OGG1: variants seen among roughly 807,000 people sequenced by gnomAD.
The protein encoded by OGG1 is 8-oxoguanine DNA glycosylase.
A neutral mutation model predicts 42.3 loss-of-function variants in OGG1; 35 were observed. The ratio of observed to expected loss-of-function variants is 0.83; its 90% CI spans 0.63 to 1.10. OGG1 has a LOEUF of 1.10. Ranked by LOEUF, OGG1 falls within the 50% of genes least tolerant of loss-of-function variation. The pLI, the probability that OGG1 is intolerant of heterozygous loss-of-function variation, is 0.00. For synonymous variants in OGG1, 189 were observed against 179.0 expected, an observed-to-expected ratio of 1.06 and a Z score of -0.44; for missense variants, 484 against 446.7, an observed-to-expected ratio of 1.08 and a Z score of -0.75.
At chr3:9,780,635 G>C in intron 2 of OGG1, 1 of 1,389,906 alleles carries the variant, frequency 7.2e-7, no homozygotes, top group Non-Finnish European at 9.6e-7. Flanking sequence ...CTACCCACCA[G>C]CCCAGGCTGG....
At chr3:9,780,369 C>G (rs1228161990) in intron 2 of OGG1, 2 of 1,612,490 alleles carry the variant, frequency 1.2e-6, no homozygotes, top group South Asian at 2.2e-5. Flanking sequence ...ACCCATCCAG[C>G]AGCTTCAGGA....
rs371693150 is a variant in OGG1, at chr3:9,765,995, G to A, written c.*164G>A. 5.5e-5 allele frequency: 89 copies of A among 1,614,180 alleles called. 1 individual carries two copies. The highest frequency in any genetic ancestry group is 4.9e-4 in the African/African-American group (37 of 75,048). On this transcript the variant is annotated 3_prime_UTR_variant, in exon 8 of 8. Coordinates refer to the OGG1 transcript ENST00000302008. Reference sequence around the variant, plus strand: ...CTGTGACCACTGCTGGACCAAGGACGTGGATGACCCTCCCCTAGTCACTCA... The same window carrying A: ...CTGTGACCACTGCTGGACCAAGGACATGGATGACCCTCCCCTAGTCACTCA...
At chr3:9,782,722 C>T (rs2078506418) in intron 3 of OGG1, among the ~76,000 whole-genome samples, 1 of 146,232 alleles carries the variant, frequency 6.8e-6, no homozygotes, top group Admixed American at 7.1e-5. Context: ...ACCCGGGAGG[C>T]GGAGGTTGCA....
intron 2 of OGG1, chr3:9,780,224 G>T: frequency 1.1e-6 from 1 of 937,534 alleles, no homozygotes; most frequent in Non-Finnish European, 1.6e-6. Flanking sequence ...CTCAGGGGAA[G>T]GGCCACGGCC....
At chr3:9,759,569 T>C, downstream of OGG1, 2 of 1,614,180 alleles carry the variant, frequency 1.2e-6, no homozygotes, top group South Asian at 2.2e-5. Context: ...CTGTATCTCC[T>C]GCAATCCTAG....
downstream of OGG1, chr3:9,789,492 A>T: frequency 6.2e-7 from 1 of 1,608,576 alleles, no homozygotes; most frequent in Non-Finnish European, 8.5e-7. Context: ...ATGTCTATCA[A>T]GGCCCAGAGT....
At chr3:9,766,779 A>G (rs1267972438), downstream of OGG1, 3 of 290,830 alleles carry the variant, frequency 1.0e-5, no homozygotes, top group African/African-American at 4.6e-5. Context: ...AGGGATAATT[A>G]GTTACTGTAG....
At position 9,751,101 on chromosome 3, in the gene OGG1, G is replaced by A. The variant is rs1801127; in HGVS notation, c.294G>A (p.Lys98=). Residue 98 remains lysine (K), a synonymous_variant, in exon 2 of 7, where the codon AAG becomes AAA. Transcript: ENST00000344629. ...CAGACGAGCTGGAGGCCGTGCGCAA[G>A]TACTTCCAGCTAGATGTTACCCTGG... ...PTPDELEAVR[K]YFQLDVTLAQ... 417 of 1,614,190 alleles carry A rather than the reference G, an allele frequency of 2.6e-4. 1 individual carries two copies. The East Asian group carries it at 9.2e-3, about 36-fold the overall frequency.
At chr3:9,774,709 C>T (rs1223129811) in intron 2 of OGG1, among the ~76,000 whole-genome samples, 1 of 152,158 alleles carries the variant, frequency 6.6e-6, no homozygotes, top group East Asian at 1.9e-4. Flanking sequence ...AGGTCATTTG[C>T]AGCCTTTCAA....
chr3:9,786,865 A>G lies in OGG1; in HGVS notation c.383-863A>G, dbSNP rs143070401. The G allele has an allele frequency of 5.6e-4, 385 of 691,386 alleles. 2 individuals are homozygous for G. The African/African-American group carries it at 6.0e-3, about 11-fold the overall frequency. 42.8% of individuals were successfully genotyped at this position (691,386 alleles called of 1,614,324 possible). ...TATATTATTCCCAATCTTTTGCTAT[A>G]TATTAGTCCAGGTTTTTACTTTTGC... On this transcript the variant is annotated intron_variant, in intron 3 of 3. Coordinates refer to the OGG1 transcript ENST00000426518.
intron 7 of OGG1, chr3:9,762,820 G>T: frequency 8.1e-7 from 1 of 1,234,670 alleles, no homozygotes; most frequent in Non-Finnish European, 1.2e-6. Flanking sequence ...AAGGCTCAGT[G>T]AGGGGGTGAA....
Position 9,781,564 on chromosome 3 carries a change from GC to G in OGG1, c.351del (p.Leu118Ter), listed in dbSNP as rs1490480699. On this transcript the variant is annotated frameshift_variant, in exon 3 of 4. Coordinates refer to the OGG1 transcript ENST00000426518. LOFTEE classifies it high-confidence loss of function. ...CTTACGTCGGCATCTGCATTCCAGA[GC>G]CCCCTAAGGTCTAGGCAGCCTGAGG... The G allele has an allele frequency of 1.1e-5, 5 of 456,632 alleles. No homozygotes were observed. In the East Asian group the frequency reaches 3.5e-4, roughly 32 times the overall value. The allele number at this position is 456,632 out of a possible 1,614,324, so 28.3% of individuals were successfully genotyped here.
intron 2 of OGG1, among the ~76,000 whole-genome samples, chr3:9,774,989 C>G: frequency 6.7e-6 from 1 of 148,856 alleles, no homozygotes; most frequent in Admixed American, 6.7e-5. Context: ...TGGGCTCATG[C>G]CTATAATCCC....
intron 3 of OGG1, among the ~76,000 whole-genome samples, chr3:9,782,264 T>A (rs969892005): frequency 6.6e-6 from 1 of 152,216 alleles, no homozygotes; most frequent in African/African-American, 2.4e-5. Flanking sequence ...AACAAACTAT[T>A]ATAGAAAGAG....
At chr3:9,768,499 T>TC (rs1390691567), downstream of OGG1, among the ~76,000 whole-genome samples, 9 of 152,306 alleles carry the variant, frequency 5.9e-5, no homozygotes, top group African/African-American at 1.9e-4. Context: ...GTGGGAGTTC[T>TC]CTCCCATTTA....
chr3:9,780,629 C>A, intron 2 of OGG1: 1 of 1,434,766 alleles, frequency 7.0e-7, no homozygotes, highest in Non-Finnish European at 9.3e-7. Flanking sequence ...CCGAGCCTAC[C>A]CACCAGCCCA....
At chr3:9,750,631 G>C in intron 1 of OGG1, 1 of 743,876 alleles carries the variant, frequency 1.3e-6, no homozygotes, top group South Asian at 1.7e-5. Context: ...CGATGCAGAA[G>C]ATAATAGCAC....
chr3:9,784,452 A>G (rs905232755), intron 3 of OGG1, among the ~76,000 whole-genome samples: 1 of 152,180 alleles, frequency 6.6e-6, no homozygotes, highest in Non-Finnish European at 1.5e-5. Context: ...CAACCCAGAG[A>G]GAATTACTAT....
chr3:9,789,688 C>T, downstream of OGG1: 1 of 1,609,218 alleles, frequency 6.2e-7, no homozygotes, highest in Non-Finnish European at 8.5e-7. Flanking sequence ...CTTGAGGCCC[C>T]CTTCTATGTT....
Sources: gnomAD v4.1 joint callset for allele counts (sites outside exome capture counted in the v4.1 genomes callset) on GRCh38, gnomAD v4.1.1 for gene constraint, MANE v1.5 for transcripts, NCBI Gene and HGNC (gene_info 2026-07-23, HGNC 2026-07-21) for gene names.